The following ZNF532 variants were observed in gnomAD, a reference collection of about 807,000 sequenced individuals.
ZNF532 encodes the protein zinc finger protein 532.
Under a neutral mutation model 89.3 loss-of-function variants are expected in ZNF532, and 22 were observed. The observed-to-expected ratio is 0.25, with a 90% CI of 0.18 to 0.35. The LOEUF (loss-of-function observed/expected upper bound fraction) is 0.35. Ranked by LOEUF, ZNF532 falls within the 10% of genes least tolerant of loss-of-function variation. ZNF532 has a pLI of 1.00. For synonymous variants in ZNF532, 606 were observed against 649.6 expected, an observed-to-expected ratio of 0.93 and a Z score of 1.02; for missense variants, 1,132 against 1,643.4, an observed-to-expected ratio of 0.69 and a Z score of 5.38.
chr18:58,949,505 G>A (rs1037441490), intron 6 of ZNF532, among the ~76,000 whole-genome samples: 21 of 152,050 alleles, frequency 1.4e-4, no homozygotes, highest in African/African-American at 4.8e-4. Flanking sequence ...GTGAAACCCC[G>A]TCTCTACTAA....
intron 2 of ZNF532, among the ~76,000 whole-genome samples, chr18:58,872,374 A>G (rs898266205): frequency 7.2e-5 from 11 of 152,294 alleles, no homozygotes; most frequent in African/African-American, 1.9e-4. Flanking sequence ...CCTTTCCCCA[A>G]GGCTGACTCC....
chr18:58,925,994 G>T (rs1372143781), intron 3 of ZNF532, among the ~76,000 whole-genome samples: 1 of 152,152 alleles, frequency 6.6e-6, no homozygotes, highest in Non-Finnish European at 1.5e-5. Flanking sequence ...CTGTAATTAG[G>T]TAGTCTTCAA....
intron 4 of ZNF532, among the ~76,000 whole-genome samples, chr18:58,937,216 A>T (rs2062555217): frequency 6.6e-6 from 1 of 152,204 alleles, no homozygotes; most frequent in Non-Finnish European, 1.5e-5. Context: ...TCAGGATATT[A>T]CGTATTTCTT....
intron 7 of ZNF532, among the ~76,000 whole-genome samples, chr18:58,974,858 G>GT (rs796368803): frequency 5.9e-5 from 9 of 152,272 alleles, no homozygotes; most frequent in African/African-American, 1.7e-4. Flanking sequence ...AAAGTGCAGT[G>GT]TTTTTTGCAT....
intron 2 of ZNF532, among the ~76,000 whole-genome samples, chr18:58,879,173 G>A (rs1182836491): frequency 1.3e-5 from 2 of 152,220 alleles, no homozygotes; most frequent in African/African-American, 4.8e-5. Flanking sequence ...TACAGTAGGA[G>A]CCATAGAGGC....
intron 2 of ZNF532, among the ~76,000 whole-genome samples, chr18:58,908,515 A>G (rs1458249243): frequency 2.0e-5 from 3 of 152,204 alleles, no homozygotes; most frequent in Non-Finnish European, 4.4e-5. Flanking sequence ...ATAACTAGCA[A>G]AAACATAAGA....
intron 2 of ZNF532, among the ~76,000 whole-genome samples, chr18:58,897,390 A>G (rs945107078): frequency 6.6e-6 from 1 of 152,226 alleles, no homozygotes; most frequent in Non-Finnish European, 1.5e-5. Context: ...ACTGAATAAT[A>G]CTTTCACATA....
At chr18:58,914,103 A>G (rs1476676157) in intron 2 of ZNF532, among the ~76,000 whole-genome samples, 1 of 152,232 alleles carries the variant, frequency 6.6e-6, no homozygotes, top group Non-Finnish European at 1.5e-5. Flanking sequence ...GGTTTTTCTT[A>G]CGTTTTTCTT....
chr18:58,924,514 T>C (rs2061377193), intron 3 of ZNF532, among the ~76,000 whole-genome samples: 1 of 152,246 alleles, frequency 6.6e-6, no homozygotes, highest in African/African-American at 2.4e-5. Flanking sequence ...CTCAGTGCCT[T>C]TCAGCTCCTT....
At chr18:58,972,548 C>A in intron 7 of ZNF532, among the ~76,000 whole-genome samples, 2 of 149,926 alleles carry the variant, frequency 1.3e-5, no homozygotes, top group Non-Finnish European at 1.5e-5. Flanking sequence ...GCAGGAATTC[C>A]CTCAATATCT....
chr18:58,872,124 G>A (rs971476138), intron 2 of ZNF532, among the ~76,000 whole-genome samples: 1 of 152,168 alleles, frequency 6.6e-6, no homozygotes, highest in Non-Finnish European at 1.5e-5. Flanking sequence ...ACGCAGAGCG[G>A]CTTTTTTAGC....
rs1602543910 is a variant in ZNF532, at chr18:58,878,219, C to T, written c.-18+12640C>T. On this transcript the variant is annotated intron_variant, in intron 2 of 9. Coordinates refer to ENST00000591808, the MANE Select transcript of ZNF532 (RefSeq NM_001375912.1). ...GCAGTGAGCTGAGATTGAGCCACTG[C>T]ACTCCAGCCTGGGCGACAGAGCAAG... Among the ~76,000 whole-genome samples the T allele has an allele frequency of 5.3e-5, 8 of 152,016 alleles. 1 individual carries two copies. In the South Asian group the frequency reaches 1.7e-3, roughly 32 times the overall value.
In ZNF532 at chr18:58,918,905, A is replaced by G; in HGVS notation, c.618A>G (p.Glu206=). The G allele has an allele frequency of 6.2e-7, 1 of 1,614,122 alleles. No individual in the cohort carries two copies. The highest frequency in any genetic ancestry group is 8.5e-7 in the Non-Finnish European group (1 of 1,180,042). ...ACAAAGCTGTTAAGAGAGAAACAGA[A>G]GCCAGTTCTATAAACCTGAGTGTTT... ...EKNKAVKRET[E]ASSINLSVYE... The change falls in exon 3 of 10, where the codon GAA becomes GAG. Residue 206 remains glutamate (E), a synonymous_variant. Coordinates refer to ENST00000591808, the MANE Select transcript of ZNF532 (RefSeq NM_001375912.1).
At chr18:58,939,075 C>T (rs924459884) in intron 4 of ZNF532, among the ~76,000 whole-genome samples, 5 of 151,688 alleles carry the variant, frequency 3.3e-5, no homozygotes, top group Admixed American at 2.0e-4. Context: ...GGCGAAACCC[C>T]ATCTCTACTA....
chr18:58,950,657 T>C (rs902649653), intron 6 of ZNF532, among the ~76,000 whole-genome samples: 1 of 152,020 alleles, frequency 6.6e-6, no homozygotes, highest in Non-Finnish European at 1.5e-5. Context: ...TGTCATTTTC[T>C]TCTCCTACCA....
At chr18:58,915,069 G>A (rs2060508954) in intron 2 of ZNF532, among the ~76,000 whole-genome samples, 1 of 152,194 alleles carries the variant, frequency 6.6e-6, no homozygotes, top group East Asian at 1.9e-4. Flanking sequence ...AATGTGGGAA[G>A]GGAAAGGGTA....
At chr18:58,869,088 T>C (rs890562967) in intron 2 of ZNF532, among the ~76,000 whole-genome samples, 5 of 152,250 alleles carry the variant, frequency 3.3e-5, no homozygotes, top group Admixed American at 2.0e-4. Flanking sequence ...TATAATCTTA[T>C]GGGATCACTG....
At chr18:58,868,070 G>A (rs185384581) in intron 2 of ZNF532, among the ~76,000 whole-genome samples, 222 of 152,190 alleles carry the variant, frequency 1.5e-3, no homozygotes, top group Non-Finnish European at 2.5e-3. Context: ...GGACTTTTCC[G>A]TGCAATACAG....
intron 2 of ZNF532, among the ~76,000 whole-genome samples, chr18:58,891,594 A>G (rs2058908655): frequency 6.6e-6 from 1 of 152,142 alleles, no homozygotes; most frequent in African/African-American, 2.4e-5. Context: ...GGTAAAATGG[A>G]TCATGCTTTG....
Sources: gnomAD v4.1 joint callset for allele counts (sites outside exome capture counted in the v4.1 genomes callset) on GRCh38, gnomAD v4.1.1 for gene constraint, MANE v1.5 for transcripts, NCBI Gene and HGNC (gene_info 2026-07-23, HGNC 2026-07-21) for gene names.